Variants in GRID2 observed in about 807,000 individuals in gnomAD.
The protein encoded by GRID2 is glutamate receptor ionotropic, delta-2.
In GRID2, 33 loss-of-function variants were observed where a neutral mutation model predicts 114.8. That is an observed-to-expected ratio of 0.29 (90% CI 0.22 to 0.38). The LOEUF is 0.38. GRID2 is among the 10% of genes least tolerant of loss of function. The probability of loss-of-function intolerance (pLI) is 1.00; values close to 1 mark genes in which losing one functional copy is unlikely to be tolerated. For missense variants in GRID2, 1,184 were observed against 1,257.7 expected (o/e 0.94, Z 0.89); for synonymous variants, 505 against 449.9 (o/e 1.12, Z -1.55).
At position 93,163,397 on chromosome 4, in the gene GRID2, TATAC is replaced by T. The variant is rs1194873459; in HGVS notation, c.736-44005_736-44002del. Among the ~76,000 whole-genome samples the T allele has an allele frequency of 3.1e-3, 127 of 40,550 alleles. 1 individual carries two copies. The highest frequency in any genetic ancestry group is 0.011 in the African/African-American group (123 of 10,718). 26.6% of individuals were successfully genotyped at this position (40,550 alleles called of 152,430 possible). On this transcript the variant is annotated intron_variant, in intron 4 of 15. Transcript: ENST00000282020. ...ATATATATATATATATATATATATA[TATAC>T]ACTATATATATACATACATGTATAT...
chr4:92,817,877 A>G (rs571937083), intron 2 of GRID2, among the ~76,000 whole-genome samples: 1 of 152,198 alleles, frequency 6.6e-6, no homozygotes, highest in Admixed American at 6.5e-5. Context: ...TTCTATGGCA[A>G]TTTAGTGAGG....
intron 3 of GRID2, among the ~76,000 whole-genome samples, chr4:93,096,642 G>A (rs1022334487): frequency 6.6e-6 from 1 of 151,914 alleles, no homozygotes; most frequent in African/African-American, 2.4e-5. Flanking sequence ...TAAATTACAA[G>A]GAGATGCCAA....
At chr4:93,627,793 A>G (rs1437122768) in intron 14 of GRID2, among the ~76,000 whole-genome samples, 3 of 152,234 alleles carry the variant, frequency 2.0e-5, no homozygotes, top group Non-Finnish European at 4.4e-5. Flanking sequence ...CTGCCCACAG[A>G]TCACAAACCA....
intron 5 of GRID2, among the ~76,000 whole-genome samples, chr4:93,215,020 CTG>C (rs1393272240): frequency 1.3e-5 from 2 of 151,960 alleles, no homozygotes; most frequent in African/African-American, 4.8e-5. Context: ...TGTTTATAAA[CTG>C]AGAATAAATA....
In GRID2 at chr4:92,648,863, G is replaced by A. The variant is rs1731773293; in HGVS notation, c.244+58577G>A. On this transcript the variant is annotated intron_variant, in intron 2 of 15. Transcript: ENST00000282020. ...ATGATGCAAAGATAAAAATTAAGTT[G>A]TCAAATTGATTTTTAAAATAAAATA... is the stretch of plus-strand genomic sequence containing the variant. 1.4e-5 allele frequency among the ~76,000 whole-genome samples: 2 copies of A among 146,628 alleles called. 1 individual carries two copies. The highest frequency in any genetic ancestry group is 5.2e-5 in the African/African-American group (2 of 38,452).
At chr4:92,598,537 A>T (rs996713297) in intron 2 of GRID2, among the ~76,000 whole-genome samples, 3 of 152,102 alleles carry the variant, frequency 2.0e-5, no homozygotes, top group African/African-American at 4.8e-5. Context: ...GCAGGGAAAA[A>T]CATATATATT....
intron 13 of GRID2, among the ~76,000 whole-genome samples, chr4:93,600,561 A>T (rs1313955870): frequency 6.6e-6 from 1 of 152,138 alleles, no homozygotes; most frequent in Non-Finnish European, 1.5e-5. Flanking sequence ...AGAAAGACTA[A>T]TAGCACCAAA....
At chr4:93,647,372 T>C (rs1392728080) in intron 14 of GRID2, among the ~76,000 whole-genome samples, 1 of 152,176 alleles carries the variant, frequency 6.6e-6, no homozygotes, top group Non-Finnish European at 1.5e-5. Flanking sequence ...GATTGCTCAA[T>C]TCAGAGGTTC....
At chr4:92,717,151 A>G (rs917500326) in intron 2 of GRID2, among the ~76,000 whole-genome samples, 16 of 152,166 alleles carry the variant, frequency 1.1e-4, no homozygotes, top group African/African-American at 3.1e-4. Flanking sequence ...CAGAGGCAGA[A>G]CAACAACCTA....
chr4:93,258,670 G>A (rs1437610416), intron 8 of GRID2, among the ~76,000 whole-genome samples: 1 of 151,586 alleles, frequency 6.6e-6, no homozygotes, highest in Non-Finnish European at 1.5e-5. Context: ...ATATCCATAA[G>A]GTGCTAAATA....
intron 1 of GRID2, among the ~76,000 whole-genome samples, chr4:92,374,833 A>G (rs781531259): frequency 6.6e-6 from 1 of 152,042 alleles, no homozygotes; most frequent in Non-Finnish European, 1.5e-5. Context: ...ATCTCCATAA[A>G]TAAAAGGTTA....
chr4:92,406,975 G>T (rs186764733), intron 1 of GRID2, among the ~76,000 whole-genome samples: 8 of 151,950 alleles, frequency 5.3e-5, no homozygotes, highest in African/African-American at 1.9e-4. Flanking sequence ...AAAAAAGGAG[G>T]TTTAATTGGC....
In GRID2 at chr4:93,163,352, T is replaced by TG. The variant is rs1169024018; in HGVS notation, c.736-44052_736-44051insG. Among the ~76,000 whole-genome samples the TG allele has an allele frequency of 1.6e-3, 153 of 93,116 alleles. 2 individuals carry two copies. Among genetic ancestry groups the TG allele is most frequent in the African/African-American group, 2.7e-3 (54 of 19,672 alleles). The allele number at this position is 93,116 out of a possible 152,430, so 61.1% of individuals were successfully genotyped here. A position where few individuals can be genotyped will look rare whatever the true frequency, so the allele number is the denominator to read the frequency against. On this transcript the variant is annotated intron_variant, in intron 4 of 15. Transcript: ENST00000282020. ...TTATTTTCCACTTCTGATTTTTTTT[T>TG]TGTGTATATATATATATATATATAT...
chr4:93,748,936 T>C (rs922731838), intron 14 of GRID2, among the ~76,000 whole-genome samples: 1 of 152,008 alleles, frequency 6.6e-6, no homozygotes, highest in Non-Finnish European at 1.5e-5. Context: ...TAATAAATGT[T>C]AAGCAAACCA....
chr4:92,307,297 G>T (rs1725457174), intron 1 of GRID2, among the ~76,000 whole-genome samples: 1 of 152,066 alleles, frequency 6.6e-6, no homozygotes, highest in South Asian at 2.1e-4. Flanking sequence ...TGAATGTGAT[G>T]AAACTGGAGG....
intron 2 of GRID2, among the ~76,000 whole-genome samples, chr4:92,716,702 T>C (rs1424879073): frequency 6.6e-6 from 1 of 152,156 alleles, no homozygotes; most frequent in African/African-American, 2.4e-5. Flanking sequence ...GGAGTTGCCT[T>C]AGTGGTTTGC....
At chr4:92,386,901 T>G (rs1729987748) in intron 1 of GRID2, among the ~76,000 whole-genome samples, 2 of 151,950 alleles carry the variant, frequency 1.3e-5, no homozygotes, top group South Asian at 2.1e-4. Flanking sequence ...ACAGAAAAAA[T>G]GATTCACATT....
chr4:93,363,181 C>T (rs1014035922), intron 8 of GRID2, among the ~76,000 whole-genome samples: 1 of 152,176 alleles, frequency 6.6e-6, no homozygotes, highest in Non-Finnish European at 1.5e-5. Flanking sequence ...TGCACCACTG[C>T]ACTCCAGCCT....
intron 4 of GRID2, among the ~76,000 whole-genome samples, chr4:93,142,223 AC>A (rs1255046091): frequency 6.6e-6 from 1 of 152,146 alleles, no homozygotes; most frequent in Non-Finnish European, 1.5e-5. Flanking sequence ...AAACAAACAA[AC>A]AAAAAACCTA....
Sources: gnomAD v4.1 joint callset for allele counts (sites outside exome capture counted in the v4.1 genomes callset) on GRCh38, gnomAD v4.1.1 for gene constraint, MANE v1.5 for transcripts, NCBI Gene and HGNC (gene_info 2026-07-23, HGNC 2026-07-21) for gene names.